The following TBX1 variants were observed in gnomAD, a reference collection of about 807,000 sequenced individuals.
TBX1 encodes T-box transcription factor TBX1.
Under a neutral mutation model 40.8 loss-of-function variants are expected in TBX1, and 16 were observed. The observed-to-expected ratio is 0.39, with a 90% CI of 0.27 to 0.60. The LOEUF is 0.60. Among genes scored for constraint, TBX1 ranks in the 20% least tolerant of loss-of-function variants. The pLI is 0.51. For synonymous variants in TBX1, 403 were observed against 336.8 expected (o/e 1.20, Z -2.15); for missense variants, 755 against 728.5 (o/e 1.04, Z -0.42).
chr22:19,766,304 TTC>T (rs1601293401), intron 6 of TBX1, 83 bp from the exon 7 acceptor site: 1 of 1,215,580 alleles, frequency 8.2e-7, no homozygotes, highest in Non-Finnish European at 1.0e-6. Flanking sequence ...GCCAAGAGCC[TTC>T]TCTCCGCCAG....
At chr22:19,768,999 C>T (rs41299922), downstream of TBX1, among the ~76,000 whole-genome samples, 608 of 124,066 alleles carry the variant, frequency 4.9e-3, 7 homozygotes, top group African/African-American at 0.017. Context: ...CGCGCTCTGT[C>T]GCCCAGGCCG....
chr22:19,763,444 C>A, intron 2 of TBX1, 102 bp downstream of exon 2: 1 of 1,063,216 alleles, frequency 9.4e-7, no homozygotes, highest in Non-Finnish European at 1.4e-6. Context: ...CACCATGAAA[C>A]TCTTTAGGCA....
At position 19,766,513 on chromosome 22, in the gene TBX1, C is replaced by A; in HGVS notation, c.1161C>A (p.Gly387=). 2.3e-6 allele frequency: 3 copies of A among 1,310,876 alleles called. No homozygotes were observed. Among genetic ancestry groups the A allele is most frequent in the South Asian group, 2.1e-5 (1 of 46,762 alleles). 81.2% of individuals were successfully genotyped at this position (1,310,876 alleles called of 1,614,324 possible). Residue 387 remains glycine (G), a synonymous_variant, in exon 7 of 7, where the codon GGC becomes GGA. Transcript: ENST00000649276. The stretch of plus-strand genomic sequence containing the variant: ...GCCCCTCGCTGCCCGGGGCCGGCGG[C>A]GCCGGCGGCTTAGTCCCGCTGCCCG... ...VLSPSLPGAG[G]AGGLVPLPGA...
intron 6 of TBX1, 78 bp downstream of exon 6, chr22:19,766,080 C>T (rs1215976990): frequency 8.0e-7 from 1 of 1,252,780 alleles, no homozygotes; most frequent in African/African-American, 1.6e-5. Context: ...CCCGACCTCG[C>T]CTGCGCCCCC....
At chr22:19,779,670 T>C (rs1392375321), downstream of TBX1, 4 of 802,024 alleles carry the variant, frequency 5.0e-6, no homozygotes, top group African/African-American at 3.5e-5. Flanking sequence ...AAATATTTAA[T>C]GGAAACTACA....
At chr22:19,782,864 C>T, downstream of TBX1, 2 of 1,614,048 alleles carry the variant, frequency 1.2e-6, no homozygotes, top group Non-Finnish European at 1.7e-6. Context: ...AACACTTTGA[C>T]CTTCCTCCAC....
intron 8 of TBX1, chr22:19,779,083 C>T (rs554133489): frequency 1.5e-5 from 15 of 1,021,800 alleles, no homozygotes; most frequent in Middle Eastern, 2.3e-4. Flanking sequence ...CGGCTCGGCT[C>T]GTTGGGAGAT....
upstream of TBX1, chr22:19,760,767 C>G: frequency 3.4e-6 from 1 of 292,092 alleles, no homozygotes; most frequent in Non-Finnish European, 4.5e-6. Context: ...GCACGCAGCG[C>G]GGCGCCCGCC....
chr22:19,775,790 C>G (rs777180815), intron 8 of TBX1, among the ~76,000 whole-genome samples: 93 of 152,224 alleles, frequency 6.1e-4, no homozygotes, highest in South Asian at 2.3e-3. Flanking sequence ...CCCCAGGGCC[C>G]TCTCCGCACT....
At position 19,767,294 on chromosome 22, in the gene TBX1, C is replaced by G; in HGVS notation, c.*427C>G. The G allele has an allele frequency of 1.0e-6, 1 of 994,758 alleles. No individual in the cohort carries two copies. Among genetic ancestry groups the G allele is most frequent in the Non-Finnish European group, 1.2e-6 (1 of 836,228 alleles). The allele number at this position is 994,758 out of a possible 1,614,324, so 61.6% of individuals were successfully genotyped here. On this transcript the variant is annotated 3_prime_UTR_variant, in exon 7 of 7. Transcript: ENST00000649276. ...GATACTGTAGATACTGTAGATACCG[C>G]CCCGGCGCCGACTTGATAAACGGTT... is the stretch of plus-strand genomic sequence containing the variant.
chr22:19,777,306 C>T (rs1042462193), intron 8 of TBX1, among the ~76,000 whole-genome samples: 7 of 151,534 alleles, frequency 4.6e-5, no homozygotes, highest in Admixed American at 2.6e-4. Flanking sequence ...TGAGAACATG[C>T]GGTGTTTGGT....
intron 2 of TBX1, 128 bp downstream of exon 2, chr22:19,763,470 G>C: frequency 2.5e-6 from 2 of 786,280 alleles, no homozygotes; most frequent in South Asian, 3.2e-5. Context: ...GATGCTGCCC[G>C]ATCAACCCGC....
chr22:19,767,335 GC>G, downstream of TBX1: 1 of 987,774 alleles, frequency 1.0e-6, no homozygotes, highest in Non-Finnish European at 1.2e-6. Context: ...TCTTTTGGAA[GC>G]CGCCTGCGTG....
chr22:19,766,399 G>C lies in TBX1; in HGVS notation c.1047G>C (p.Glu349Asp). The change falls in exon 7 of 7, where the codon GAG becomes GAC. Residue 349 changes from glutamate (E) to aspartate (D), a missense_variant. Glu to Asp is a conservative substitution (Grantham distance 45). Transcript: ENST00000649276. ...QPSGTEKDAA[E>D]ARREFQRDAG... Reference sequence around the variant, plus strand: ...CGGCCCTCTCCGCAGACGCGGCTGAGGCCCGGCGAGAATTCCAGCGCGACG... The same window carrying C: ...CGGCCCTCTCCGCAGACGCGGCTGACGCCCGGCGAGAATTCCAGCGCGACG... 1 of 1,340,908 alleles carries C rather than the reference G, an allele frequency of 7.5e-7. No homozygotes were observed. Among genetic ancestry groups the C allele is most frequent in the Middle Eastern group, 2.8e-4 (1 of 3,574 alleles). 83.1% of individuals were successfully genotyped at this position (1,340,908 alleles called of 1,614,324 possible).
chr22:19,760,949 T>C lies in TBX1; in HGVS notation c.106T>C (p.Phe36Leu), dbSNP rs1936636468. Reference protein sequence around the residue: ...SLSSLGAAGGFPGAASPGADP... With the variant: ...SLSSLGAAGGLPGAASPGADP... ...GAGCAGCCTGGGGGCCGCGGGGGGC[T>C]TCCCGGGCGCCGCGTCGCCCGGCGC... Residue 36 changes from phenylalanine (F) to leucine (L), a missense_variant, in exon 1 of 7, where the codon TTC becomes CTC. Around this residue, in one of 3 missense-constraint regions of TBX1, gnomAD observed 199 missense variants for 173.0 expected, o/e 1.15. Transcript: ENST00000649276. 2 of 999,270 alleles carry C rather than the reference T, an allele frequency of 2.0e-6. No homozygotes were observed. Among genetic ancestry groups the C allele is most frequent in the Non-Finnish European group, 2.4e-6 (2 of 838,308 alleles). The allele number at this position is 999,270 out of a possible 1,614,324, so 61.9% of individuals were successfully genotyped here.
chr22:19,757,034 C>A (rs865917099), upstream of TBX1, among the ~76,000 whole-genome samples: 49 of 152,282 alleles, frequency 3.2e-4, no homozygotes, highest in Non-Finnish European at 3.7e-4. Context: ...GAGGCTGGGA[C>A]GGCCTCGCGC....
chr22:19,759,433 G>A, upstream of TBX1: 5 of 1,363,628 alleles, frequency 3.7e-6, no homozygotes, highest in Non-Finnish European at 9.4e-7. Context: ...GGGCTGGGCT[G>A]GGCGCGGTGC....
chr22:19,766,938 C>G lies in TBX1; in HGVS notation c.*71C>G. 6.4e-7 allele frequency: 1 copy of G among 1,553,482 alleles called. No homozygotes were observed. ...GTTCGCCGGGCCCGGCCACCCTGCC[C>G]CAAGGGCAAGCAAGGAATACGTTCC... On this transcript the variant is annotated 3_prime_UTR_variant, in exon 7 of 7. Transcript: ENST00000649276.
intron 8 of TBX1, among the ~76,000 whole-genome samples, chr22:19,773,902 T>A (rs964082200): frequency 6.6e-6 from 1 of 152,162 alleles, no homozygotes; most frequent in South Asian, 2.1e-4. Flanking sequence ...CAGTGGGAGG[T>A]TTCCCACGAC....
Sources: gnomAD v4.1 joint callset for allele counts (sites outside exome capture counted in the v4.1 genomes callset) on GRCh38, gnomAD v4.1.1 for gene constraint, gnomAD v4.1.1 regional missense constraint, MANE v1.5 for transcripts, NCBI Gene and HGNC (gene_info 2026-07-23, HGNC 2026-07-21) for gene names.